Variants in CRACD observed in about 807,000 individuals in gnomAD.
CRACD encodes the protein capping protein-inhibiting regulator of actin dynamics.
Under a neutral mutation model 106.8 loss-of-function variants are expected in CRACD, and 56 were observed. The ratio of observed to expected loss-of-function variants is 0.52; its 90% confidence interval spans 0.42 to 0.66. The LOEUF is 0.66. Ranked by LOEUF, CRACD falls within the 30% of genes least tolerant of loss-of-function variation. The pLI, the probability that CRACD is intolerant of heterozygous loss-of-function variation, is 0.00. For synonymous variants in CRACD, 754 were observed against 670.8 expected (o/e 1.12, Z -1.92); for missense variants, 1,730 against 1,623.2 (o/e 1.07, Z -1.13).
In CRACD at chr4:56,188,899, C is replaced by T. The variant is rs187343812; in HGVS notation, c.-189+9469C>T. Among the ~76,000 whole-genome samples the T allele has an allele frequency of 4.4e-4, 67 of 152,022 alleles. 1 individual carries two copies. In the East Asian group the frequency reaches 7.2e-3, roughly 16 times the overall value. ...TCTCTAAACCATAATGGGCTGGGTG[C>T]GGTAGCTCACGCCTGTAATCCCAGT... On this transcript the variant is annotated intron_variant, in intron 2 of 10. Transcript: ENST00000682029.
chr4:56,220,679 G>T (rs1255556229), intron 2 of CRACD, among the ~76,000 whole-genome samples: 1 of 151,936 alleles, frequency 6.6e-6, no homozygotes, highest in Non-Finnish European at 1.5e-5. Flanking sequence ...GAAGGGGTTG[G>T]GTTGACCATA....
chr4:56,269,211 C>T (rs1011807542), intron 2 of CRACD, among the ~76,000 whole-genome samples: 12 of 151,830 alleles, frequency 7.9e-5, no homozygotes, highest in African/African-American at 2.7e-4. Context: ...AGTGATACCC[C>T]GTCTCTACTA....
chr4:56,190,635 G>A (rs537915345), intron 2 of CRACD, among the ~76,000 whole-genome samples: 209 of 152,252 alleles, frequency 1.4e-3, no homozygotes, highest in African/African-American at 4.7e-3. Context: ...GGACAGCTCT[G>A]TCCCTGTAGC....
chr4:56,306,963 C>T (rs140575603), intron 4 of CRACD, among the ~76,000 whole-genome samples: 1,636 of 152,274 alleles, frequency 0.011, 20 homozygotes, highest in South Asian at 0.054. Context: ...GCCTTGGCAG[C>T]GACCCAGTGT....
chr4:56,136,856 A>T (rs1317980412), intron 1 of CRACD, among the ~76,000 whole-genome samples: 1 of 152,082 alleles, frequency 6.6e-6, no homozygotes, highest in African/African-American at 2.4e-5. Flanking sequence ...TTTCTTCTAC[A>T]TTTTTTCTAG....
chr4:56,223,932 A>G (rs961346385), intron 2 of CRACD, among the ~76,000 whole-genome samples: 5 of 151,640 alleles, frequency 3.3e-5, no homozygotes, highest in Non-Finnish European at 5.9e-5. Flanking sequence ...CTAATTTTTT[A>G]ATTTTTTGTG....
intron 1 of CRACD, among the ~76,000 whole-genome samples, chr4:56,143,961 G>A (rs377119511): frequency 1.3e-5 from 2 of 152,108 alleles, no homozygotes; most frequent in Non-Finnish European, 2.9e-5. Flanking sequence ...GAAATATATG[G>A]CGTGTGGGAA....
intron 1 of CRACD, among the ~76,000 whole-genome samples, chr4:56,160,481 G>A (rs1735914861): frequency 6.6e-6 from 1 of 152,148 alleles, no homozygotes; most frequent in Non-Finnish European, 1.5e-5. Flanking sequence ...ACCGTGCCTG[G>A]CCACTACCTG....
At chr4:56,316,828 G>A (rs1560540159) in intron 8 of CRACD, 139 bp downstream of exon 8, 2 of 1,089,542 alleles carry the variant, frequency 1.8e-6, no homozygotes, top group African/African-American at 1.6e-5. Flanking sequence ...TTAGAACGCT[G>A]CAGAACAAAA....
intron 1 of CRACD, among the ~76,000 whole-genome samples, chr4:56,117,642 C>G (rs1237365199): frequency 6.6e-6 from 1 of 152,112 alleles, no homozygotes; most frequent in Non-Finnish European, 1.5e-5. Flanking sequence ...GTGTTTAATA[C>G]CACTGAACTG....
intron 1 of CRACD, among the ~76,000 whole-genome samples, chr4:56,149,805 T>A (rs1735520871): frequency 2.0e-5 from 3 of 152,226 alleles, no homozygotes; most frequent in African/African-American, 7.2e-5. Flanking sequence ...ATTGCTGTAA[T>A]GTACTTGTGT....
At chr4:56,133,738 T>C (rs1734902017) in intron 1 of CRACD, among the ~76,000 whole-genome samples, 1 of 152,212 alleles carries the variant, frequency 6.6e-6, no homozygotes. Flanking sequence ...ATTTAGTTCT[T>C]TCCCGTAAGG....
intron 4 of CRACD, among the ~76,000 whole-genome samples, chr4:56,305,386 C>G (rs1004546973): frequency 6.6e-6 from 1 of 152,170 alleles, no homozygotes; most frequent in African/African-American, 2.4e-5. Context: ...TGGGCGGACA[C>G]AGGAACCATT....
chr4:56,070,006 A>C (rs1350765827), intron 1 of CRACD, among the ~76,000 whole-genome samples: 4 of 152,198 alleles, frequency 2.6e-5, no homozygotes, highest in African/African-American at 9.6e-5. Context: ...CTAAATTTTC[A>C]ATGTGGAGAT....
intron 1 of CRACD, among the ~76,000 whole-genome samples, chr4:56,081,862 G>A (rs773247467): frequency 1.1e-4 from 17 of 152,046 alleles, no homozygotes; most frequent in Non-Finnish European, 1.8e-4. Context: ...CGTAATCCCA[G>A]CTACTTGGGA....
chr4:56,146,696 C>T (rs981095029), intron 1 of CRACD, among the ~76,000 whole-genome samples: 8 of 150,282 alleles, frequency 5.3e-5, no homozygotes, highest in Non-Finnish European at 1.0e-4. Flanking sequence ...TATATTTGTT[C>T]TTTTATAACA....
Position 56,316,479 on chromosome 4 carries a change from G to C in CRACD, c.2977G>C (p.Ala993Pro), listed in dbSNP as rs1391543311. Reference sequence around the variant, plus strand: ...CTTGGTAGAGCTGCTGTCTCGCCGAGCGGGGAGGCCGGACCCAGAGCCAAG... The same window carrying C: ...CTTGGTAGAGCTGCTGTCTCGCCGACCGGGGAGGCCGGACCCAGAGCCAAG... ...PYLVELLSRRAGRPDPEPSEP... is the reference protein window; with the variant it reads ...PYLVELLSRRPGRPDPEPSEP... The change falls in exon 8 of 11, where the codon GCG becomes CCG. Residue 993 changes from alanine to proline, a missense_variant. Ala to Pro is a conservative substitution (Grantham distance 27, BLOSUM62 -1). Coordinates refer to ENST00000682029, the MANE Select transcript of CRACD (RefSeq NM_001393381.1). The C allele has an allele frequency of 1.9e-6, 3 of 1,613,966 alleles. No homozygotes were observed. The highest frequency in any genetic ancestry group is 2.2e-5 in the South Asian group (2 of 91,078).
At chr4:56,177,182 C>A (rs1427383989) in intron 1 of CRACD, among the ~76,000 whole-genome samples, 2 of 152,082 alleles carry the variant, frequency 1.3e-5, no homozygotes, top group Non-Finnish European at 2.9e-5. Context: ...CAGTGTGATG[C>A]TGTCTTTTGG....
chr4:56,064,685 A>C (rs1021812107), intron 1 of CRACD, among the ~76,000 whole-genome samples: 1 of 151,932 alleles, frequency 6.6e-6, no homozygotes, highest in Non-Finnish European at 1.5e-5. Flanking sequence ...TTAAAAAAAT[A>C]CTCCTTGATC....
Sources: allele counts gnomAD v4.1 joint callset (sites outside exome capture counted in the v4.1 genomes callset), GRCh38; gene constraint gnomAD v4.1.1; transcripts MANE v1.5; gene names NCBI Gene and HGNC (gene_info 2026-07-23, HGNC 2026-07-21).